JAM3: variants seen among roughly 807,000 people sequenced by gnomAD.
JAM3 encodes the protein junctional adhesion molecule 3.
Under a neutral mutation model 39.4 loss-of-function variants are expected in JAM3, and 31 were observed. The ratio of observed to expected loss-of-function variants is 0.79; its 90% CI spans 0.59 to 1.06. The LOEUF is 1.06. Among genes scored for constraint, JAM3 ranks in the 50% least tolerant of loss-of-function variants. The pLI, the probability that JAM3 is intolerant of heterozygous loss-of-function variation, is 0.00. For synonymous variants in JAM3, 182 were observed against 148.7 expected (o/e 1.22, Z -1.63); for missense variants, 455 against 391.4 (o/e 1.16, Z -1.37).
chr11:134,119,850 T>C (rs1942501433), intron 1 of JAM3, among the ~76,000 whole-genome samples: 1 of 152,208 alleles, frequency 6.6e-6, no homozygotes, highest in Non-Finnish European at 1.5e-5. Flanking sequence ...GGTTGGGTCT[T>C]TTTGTACTTT....
chr11:134,115,233 C>T (rs1187834046), intron 1 of JAM3, among the ~76,000 whole-genome samples: 1 of 152,082 alleles, frequency 6.6e-6, no homozygotes, highest in Non-Finnish European at 1.5e-5. Context: ...CTTAGTATAT[C>T]TTTTTTCATC....
At position 134,149,859 on chromosome 11, in the gene JAM3, T is replaced by A. The variant is rs989729560; in HGVS notation, c.*678T>A. 3.1e-6 allele frequency: 1 copy of A among 320,510 alleles called. No homozygotes were observed. The highest frequency in any genetic ancestry group is 2.2e-5 in the African/African-American group (1 of 45,820). 19.9% of individuals were successfully genotyped at this position (320,510 alleles called of 1,614,324 possible). Reference sequence around the variant, plus strand: ...CAGGATTTAAGGAAAACCTTCGTCTTAGGCTAAGTCTGAAATGGTACTGAA... The same window carrying A: ...CAGGATTTAAGGAAAACCTTCGTCTAAGGCTAAGTCTGAAATGGTACTGAA... On this transcript the variant is annotated 3_prime_UTR_variant, in exon 9 of 9. Coordinates refer to ENST00000299106, the MANE Select transcript of JAM3 (RefSeq NM_032801.5).
intron 1 of JAM3, among the ~76,000 whole-genome samples, chr11:134,137,604 TG>T (rs1171749380): frequency 6.6e-6 from 1 of 152,156 alleles, no homozygotes. Context: ...GTCGAAGTCA[TG>T]GTGCTCATAC....
intron 1 of JAM3, among the ~76,000 whole-genome samples, chr11:134,131,485 C>T (rs1160319749): frequency 2.0e-5 from 3 of 151,964 alleles, no homozygotes; most frequent in Admixed American, 6.6e-5. Flanking sequence ...TTATAATAAT[C>T]AAATGCCAGA....
At position 134,149,188 on chromosome 11, in the gene JAM3, C is replaced by G. The variant is rs1943143258; in HGVS notation, c.*7C>G. The stretch of plus-strand genomic sequence containing the variant: ...GTCATCGTTTGTGATCTGAGACCCG[C>G]GGTGTGGCTGAGAGCGCACAGAGCG... On this transcript the variant is annotated 3_prime_UTR_variant, in exon 9 of 9. Coordinates refer to ENST00000299106, the MANE Select transcript of JAM3 (RefSeq NM_032801.5). The G allele has an allele frequency of 6.2e-7, 1 of 1,614,010 alleles. No homozygotes were observed. Among genetic ancestry groups the G allele is most frequent in the Admixed American group, 1.7e-5 (1 of 60,024 alleles).
At chr11:134,145,227 G>A (rs1943050584) in intron 5 of JAM3, 1 of 581,104 alleles carries the variant, frequency 1.7e-6, no homozygotes, top group African/African-American at 1.9e-5. Context: ...ACCGAAGAGG[G>A]ATATTAAGCA....
intron 1 of JAM3, among the ~76,000 whole-genome samples, chr11:134,097,611 G>T (rs1163434385): frequency 1.3e-5 from 2 of 152,058 alleles, no homozygotes; most frequent in Non-Finnish European, 2.9e-5. Flanking sequence ...AATGGAGAAG[G>T]GAGGCATTAT....
chr11:134,135,531 A>G (rs1259553719), intron 1 of JAM3, among the ~76,000 whole-genome samples: 2 of 148,176 alleles, frequency 1.3e-5, no homozygotes, highest in Non-Finnish European at 3.0e-5. Flanking sequence ...ATTTTTATCT[A>G]TCCTTTTTTT....
intron 1 of JAM3, among the ~76,000 whole-genome samples, chr11:134,088,401 T>A (rs1390855394): frequency 6.6e-6 from 1 of 152,146 alleles, no homozygotes; most frequent in African/African-American, 2.4e-5. Context: ...ACATTTTTTT[T>A]TTTATTTTTT....
chr11:134,123,735 A>T (rs1942583503), intron 1 of JAM3: 1 of 602,372 alleles, frequency 1.7e-6, no homozygotes, highest in Non-Finnish European at 3.0e-6. Context: ...TACTTTGATG[A>T]CACAGGTAAG....
chr11:134,099,926 CTCA>C (rs1190550267), intron 1 of JAM3, among the ~76,000 whole-genome samples: 1 of 152,098 alleles, frequency 6.6e-6, no homozygotes, highest in East Asian at 1.9e-4. Flanking sequence ...TTTTTCTAAC[CTCA>C]TCATTTTCTG....
At chr11:134,121,562 A>C (rs767324989) in intron 1 of JAM3, among the ~76,000 whole-genome samples, 5 of 152,084 alleles carry the variant, frequency 3.3e-5, no homozygotes, top group Non-Finnish European at 5.9e-5. Flanking sequence ...CACACCTTTC[A>C]AATCATTCTG....
At chr11:134,079,913 T>C (rs1941636375) in intron 1 of JAM3, among the ~76,000 whole-genome samples, 1 of 152,228 alleles carries the variant, frequency 6.6e-6, no homozygotes, top group Non-Finnish European at 1.5e-5. Flanking sequence ...GTAAACTTGG[T>C]TTGAAGCCTT....
chr11:134,119,263 TCA>T (rs1942492142), intron 1 of JAM3, among the ~76,000 whole-genome samples: 1 of 152,002 alleles, frequency 6.6e-6, no homozygotes, highest in African/African-American at 2.4e-5. Flanking sequence ...AATGATAGAA[TCA>T]AATAGAAAGA....
At chr11:134,149,077 C>G (rs1418394785) in intron 8 of JAM3, 69 bp from the exon 9 acceptor site, 33 of 1,572,802 alleles carry the variant, frequency 2.1e-5, no homozygotes, top group Non-Finnish European at 2.8e-5. Context: ...CCATGTTAGA[C>G]TTACTCCGTG....
At chr11:134,146,657 C>G (rs986779938) in intron 6 of JAM3, among the ~76,000 whole-genome samples, 1 of 152,078 alleles carries the variant, frequency 6.6e-6, no homozygotes, top group Non-Finnish European at 1.5e-5. Flanking sequence ...CATCCTCAAA[C>G]CCAGCCTTCA....
Position 134,149,327 on chromosome 11 carries a change from CTCT to C in JAM3, c.*151_*153del, listed in dbSNP as rs1367059876. ...TCGTTTTGGCCAAAGTTGACCACTA[CTCT>C]TCTTACTCTAACAAGCCACATGAAT... On this transcript the variant is annotated 3_prime_UTR_variant, in exon 9 of 9. Transcript: ENST00000299106. 2 of 820,816 alleles carry C rather than the reference CTCT, an allele frequency of 2.4e-6. No individual in the cohort carries two copies. Among genetic ancestry groups the C allele is most frequent in the Non-Finnish European group, 4.0e-6 (2 of 496,320 alleles). The allele number at this position is 820,816 out of a possible 1,614,324, so 50.8% of individuals were successfully genotyped here.
chr11:134,099,237 T>A (rs1181501002), intron 1 of JAM3, among the ~76,000 whole-genome samples: 2 of 152,034 alleles, frequency 1.3e-5, no homozygotes, highest in African/African-American at 2.4e-5. Flanking sequence ...CCAGGTTGCA[T>A]GGGGGAGGAA....
intron 1 of JAM3, among the ~76,000 whole-genome samples, chr11:134,118,484 C>A (rs1942477735): frequency 6.6e-6 from 1 of 152,130 alleles, no homozygotes; most frequent in South Asian, 2.1e-4. Context: ...ACTGGGAAGT[C>A]ATTGCACCAC....
Sources: gnomAD v4.1 joint callset for allele counts (sites outside exome capture counted in the v4.1 genomes callset) on GRCh38, gnomAD v4.1.1 for gene constraint, MANE v1.5 for transcripts, NCBI Gene and HGNC (gene_info 2026-07-23, HGNC 2026-07-21) for gene names.